Variants in SIRPD observed in about 807,000 individuals in gnomAD.
SIRPD encodes signal-regulatory protein delta.
In SIRPD, 21 loss-of-function variants were observed where a neutral mutation model predicts 18.0. The observed-to-expected ratio is 1.17, with a 90% confidence interval of 0.83 to 1.68. SIRPD has a LOEUF of 1.68. Among genes scored for constraint, SIRPD ranks in the 40% most tolerant of loss-of-function variants. SIRPD has a pLI of 0.00. For missense variants in SIRPD, 295 were observed against 238.4 expected, an observed-to-expected ratio of 1.24 and a Z score of -1.56; for synonymous variants, 106 against 92.9, an observed-to-expected ratio of 1.14 and a Z score of -0.81.
At chr20:1,538,540 C>T (rs2090957583) in intron 2 of SIRPD, among the ~76,000 whole-genome samples, 1 of 152,182 alleles carries the variant, frequency 6.6e-6, no homozygotes, top group South Asian at 2.1e-4. Context: ...TGAGTTTGGG[C>T]AGGTCTGTGA....
chr20:1,538,281 C>A (rs1210260839), intron 2 of SIRPD, among the ~76,000 whole-genome samples: 3 of 152,154 alleles, frequency 2.0e-5, no homozygotes, highest in Non-Finnish European at 4.4e-5. Flanking sequence ...GATTTGATTG[C>A]TCTGTAGCAT....
At chr20:1,548,947 C>T (rs982640207) in intron 2 of SIRPD, among the ~76,000 whole-genome samples, 20 of 152,096 alleles carry the variant, frequency 1.3e-4, no homozygotes, top group Admixed American at 2.6e-4. Context: ...TCCTCTCCTT[C>T]TGCTATCCCT....
At chr20:1,537,098 C>T in intron 3 of SIRPD, 57 bp downstream of exon 3, 1 of 1,578,676 alleles carries the variant, frequency 6.3e-7, no homozygotes, top group Non-Finnish European at 8.6e-7. Flanking sequence ...AATGGTACCG[C>T]CGCCAAACTC....
At chr20:1,543,694 T>C (rs1035422120) in intron 2 of SIRPD, among the ~76,000 whole-genome samples, 6 of 152,200 alleles carry the variant, frequency 3.9e-5, no homozygotes, top group African/African-American at 1.2e-4. Flanking sequence ...GCTTCTCTAG[T>C]TCTTTTGTGA....
At position 1,537,325 on chromosome 20, in the gene SIRPD, A is replaced by C. The variant is rs1203907459; in HGVS notation, c.422-15T>G. 1 of 1,611,518 alleles carries C rather than the reference A, an allele frequency of 6.2e-7. No individual in the cohort carries two copies. The highest frequency in any genetic ancestry group is 8.5e-7 in the Non-Finnish European group (1 of 1,178,398). On this transcript the variant is annotated splice_polypyrimidine_tract_variant and intron_variant, in intron 2 of 3. Coordinates refer to ENST00000381623, the MANE Select transcript of SIRPD (RefSeq NM_178460.3). ...TGGATTCTGCTCTGCTGAGAGAGGCAAAACTATGTGTTCCATGATATAAGA... is the reference window on the plus strand; with the variant it reads ...TGGATTCTGCTCTGCTGAGAGAGGCCAAACTATGTGTTCCATGATATAAGA...
chr20:1,552,973 C>T (rs2091025886), intron 1 of SIRPD, among the ~76,000 whole-genome samples: 1 of 152,098 alleles, frequency 6.6e-6, no homozygotes, highest in African/African-American at 2.4e-5. Context: ...TGAGGGACAC[C>T]TAATACCACT....
intron 1 of SIRPD, among the ~76,000 whole-genome samples, chr20:1,555,679 A>C (rs368793842): frequency 2.6e-5 from 4 of 152,362 alleles, no homozygotes. Flanking sequence ...AAAACAAATA[A>C]GTTCTACAAA....
chr20:1,550,749 G>A (rs2091015307), intron 2 of SIRPD, among the ~76,000 whole-genome samples: 1 of 152,100 alleles, frequency 6.6e-6, no homozygotes, highest in Admixed American at 6.5e-5. Flanking sequence ...TCCCTACTAT[G>A]TACACTCCTG....
chr20:1,537,344 T>C lies in SIRPD; in HGVS notation c.422-34A>G, dbSNP rs2090951353. The stretch of plus-strand genomic sequence containing the variant: ...AGAGGCAAAACTATGTGTTCCATGA[T>C]ATAAGAGGAAGTTACTATGATGGGA... On this transcript the variant is annotated intron_variant, in intron 2 of 3. Transcript: ENST00000381623. 1.3e-6 allele frequency: 2 copies of C among 1,597,472 alleles called. 1 individual carries two copies. Among genetic ancestry groups the C allele is most frequent in the Admixed American group, 3.4e-5 (2 of 58,220 alleles).
At chr20:1,556,296 C>T (rs535485848) in intron 1 of SIRPD, among the ~76,000 whole-genome samples, 3 of 152,302 alleles carry the variant, frequency 2.0e-5, no homozygotes, top group African/African-American at 7.2e-5. Flanking sequence ...GTTTTACTAG[C>T]TTTAAGTATC....
intron 2 of SIRPD, among the ~76,000 whole-genome samples, chr20:1,550,381 T>C (rs1291983461): frequency 6.6e-6 from 1 of 152,226 alleles, no homozygotes; most frequent in Non-Finnish European, 1.5e-5. Context: ...GAAGAAGCTG[T>C]CTTTCCACCT....
intron 3 of SIRPD, 33 bp from the exon 4 acceptor site, chr20:1,534,474 C>G (rs1198414891): frequency 6.3e-7 from 1 of 1,577,274 alleles, no homozygotes; most frequent in African/African-American, 1.4e-5. Flanking sequence ...TAAAATAAAA[C>G]ATTTCTCCCT....
intron 2 of SIRPD, among the ~76,000 whole-genome samples, chr20:1,547,935 A>G (rs2091001236): frequency 2.0e-5 from 3 of 152,038 alleles, no homozygotes; most frequent in Non-Finnish European, 4.4e-5. Flanking sequence ...ATTGAACTGT[A>G]CTCTCAAGCT....
chr20:1,537,735 T>C (rs2090953625), intron 2 of SIRPD, among the ~76,000 whole-genome samples: 1 of 152,188 alleles, frequency 6.6e-6, no homozygotes, highest in African/African-American at 2.4e-5. Context: ...GTTGTAAAAA[T>C]GATCCTGAAG....
At chr20:1,548,252 G>A (rs1472771383) in intron 2 of SIRPD, among the ~76,000 whole-genome samples, 1 of 152,094 alleles carries the variant, frequency 6.6e-6, no homozygotes, top group Non-Finnish European at 1.5e-5. Flanking sequence ...TTGCATCCAT[G>A]CTCTTTATCA....
intron 1 of SIRPD, among the ~76,000 whole-genome samples, chr20:1,557,352 A>G (rs985316726): frequency 6.6e-6 from 1 of 152,120 alleles, no homozygotes; most frequent in African/African-American, 2.4e-5. Flanking sequence ...CCCTGTGACC[A>G]TAGGTGTGAG....
intron 1 of SIRPD, among the ~76,000 whole-genome samples, chr20:1,555,956 T>A (rs547844710): frequency 1.3e-5 from 2 of 152,290 alleles, no homozygotes; most frequent in East Asian, 3.9e-4. Context: ...TCACTCAGGT[T>A]GTTGGCAGAA....
intron 2 of SIRPD, among the ~76,000 whole-genome samples, chr20:1,541,756 G>GT (rs1181985763): frequency 6.6e-6 from 1 of 152,182 alleles, no homozygotes; most frequent in Admixed American, 6.5e-5. Flanking sequence ...TTCTTCTAGG[G>GT]TTGTTATGGT....
intron 1 of SIRPD, among the ~76,000 whole-genome samples, chr20:1,557,350 C>T (rs2091046106): frequency 6.6e-6 from 1 of 152,028 alleles, no homozygotes; most frequent in Non-Finnish European, 1.5e-5. Flanking sequence ...CGCCCTGTGA[C>T]CATAGGTGTG....
Sources: gnomAD v4.1 joint callset for allele counts (sites outside exome capture counted in the v4.1 genomes callset) on GRCh38, gnomAD v4.1.1 for gene constraint, MANE v1.5 for transcripts, NCBI Gene and HGNC (gene_info 2026-07-23, HGNC 2026-07-21) for gene names.